The following PTPRN2 variants were observed in gnomAD, a reference collection of about 807,000 sequenced individuals.
The protein encoded by PTPRN2 is receptor-type tyrosine-protein phosphatase N2.
In PTPRN2, 74 loss-of-function variants were observed where a neutral mutation model predicts 118.8. The ratio of observed to expected loss-of-function variants is 0.62; its 90% CI spans 0.52 to 0.76. PTPRN2 has a LOEUF of 0.76. PTPRN2 is among the 30% of genes least tolerant of loss of function. PTPRN2 has a pLI of 0.00. For synonymous variants in PTPRN2, 641 were observed against 608.0 expected, an observed-to-expected ratio of 1.05 and a Z score of -0.80; for missense variants, 1,481 against 1,394.4, an observed-to-expected ratio of 1.06 and a Z score of -0.99.
At chr7:158,462,764 A>C (rs541573103) in intron 2 of PTPRN2, among the ~76,000 whole-genome samples, 1 of 152,326 alleles carries the variant, frequency 6.6e-6, no homozygotes, top group East Asian at 1.9e-4. Context: ...ACAGTCCGCA[A>C]AACTACAAGC....
chr7:157,699,106 G>A (rs1486250516), intron 12 of PTPRN2, among the ~76,000 whole-genome samples: 3 of 152,124 alleles, frequency 2.0e-5, no homozygotes, highest in African/African-American at 4.8e-5. Flanking sequence ...ACTTTTCCTC[G>A]GGTTGCTTTG....
intron 10 of PTPRN2, among the ~76,000 whole-genome samples, chr7:158,084,131 G>A (rs1305510004): frequency 6.6e-6 from 1 of 152,082 alleles, no homozygotes; most frequent in Non-Finnish European, 1.5e-5. Flanking sequence ...AAACTCTGGT[G>A]GCCAGGCCCA....
chr7:157,801,014 TAC>T lies in PTPRN2; in HGVS notation c.1788+97657_1788+97658del, dbSNP rs1381349888. ...ACATATATATACACACATATACATATACACACACATATATATACACATATATA... is the reference window on the plus strand; with the variant it reads ...ACATATATATACACACATATACATATACACACATATATATACACATATATA... On this transcript the variant is annotated intron_variant, in intron 12 of 22. Coordinates refer to ENST00000389418, the MANE Select transcript of PTPRN2 (RefSeq NM_002847.5). The surrounding 1 kb of genome is among the most constrained non-coding windows in gnomAD (Gnocchi z 4.2). Among the ~76,000 whole-genome samples the T allele has an allele frequency of 2.9e-4, 43 of 150,442 alleles. No individual in the cohort carries two copies. Among genetic ancestry groups the T allele is most frequent in the Non-Finnish European group, 4.3e-4 (29 of 67,650 alleles).
rs1801374301 is a variant in PTPRN2, at chr7:157,596,907, C to T, written c.2419-1592G>A. 6.6e-6 allele frequency among the ~76,000 whole-genome samples: 1 copy of T among 152,260 alleles called. No homozygotes were observed. Among genetic ancestry groups the T allele is most frequent in the Non-Finnish European group, 1.5e-5 (1 of 68,018 alleles). The stretch of plus-strand genomic sequence containing the variant: ...AGTGAAAAATGAGCAAATTTTAACC[C>T]TATGCAATTTTAAGCCAACGCACGA... On this transcript the variant is annotated intron_variant, in intron 16 of 22. Transcript: ENST00000389418. This position sits in a 1 kb window ranked among gnomAD's most constrained non-coding sequence, Gnocchi z 4.2.
chr7:157,849,055 C>T (rs1316307161), intron 12 of PTPRN2, among the ~76,000 whole-genome samples: 6 of 152,220 alleles, frequency 3.9e-5, no homozygotes, highest in Admixed American at 6.5e-5. Context: ...CGGAGCCCCT[C>T]GGTCCCAGCG....
At chr7:158,472,952 C>T (rs1010595602) in intron 2 of PTPRN2, among the ~76,000 whole-genome samples, 2 of 151,606 alleles carry the variant, frequency 1.3e-5, no homozygotes, top group African/African-American at 2.4e-5. Flanking sequence ...AAGCATTTGC[C>T]CACACTGCAC....
chr7:157,637,010 CT>C (rs1804361211), intron 14 of PTPRN2, among the ~76,000 whole-genome samples: 1 of 152,144 alleles, frequency 6.6e-6, no homozygotes, highest in African/African-American at 2.4e-5. Context: ...TTTCTGTTTA[CT>C]TTTTATAACT....
chr7:157,566,278 TG>T (rs1474332787), intron 21 of PTPRN2, among the ~76,000 whole-genome samples: 1 of 152,108 alleles, frequency 6.6e-6, no homozygotes, highest in Non-Finnish European at 1.5e-5. Context: ...GAAAGGGAAA[TG>T]GGAAGAAAGG....
chr7:158,272,531 A>T (rs1337763130), intron 3 of PTPRN2, among the ~76,000 whole-genome samples: 1 of 152,150 alleles, frequency 6.6e-6, no homozygotes, highest in Non-Finnish European at 1.5e-5. Context: ...GAACTTCCAC[A>T]TCCCCTCACT....
At chr7:157,571,894 A>C (rs1799777003) in intron 19 of PTPRN2, among the ~76,000 whole-genome samples, 1 of 13,342 alleles carries the variant, frequency 7.5e-5, no homozygotes, top group African/African-American at 1.4e-3. Flanking sequence ...ATTTATGCTC[A>C]AAATTTCTTA....
rs548676466 is a variant in PTPRN2 at position 158,502,566 on chromosome 7, G to A, written c.113-12781C>T. On this transcript the variant is annotated intron_variant, in intron 1 of 22. Transcript: ENST00000389418. ...GGACGCCTTCCTCCCGGCTGCACTT[G>A]CCGAGTCCCCTGGAGCACGGAAAAG... is the stretch of plus-strand genomic sequence containing the variant. 4.6e-5 allele frequency among the ~76,000 whole-genome samples: 7 copies of A among 152,326 alleles called. No individual in the cohort carries two copies. The South Asian group carries it at 1.5e-3, about 32-fold the overall frequency.
intron 2 of PTPRN2, among the ~76,000 whole-genome samples, chr7:158,433,776 C>T (rs1816388980): frequency 6.6e-6 from 1 of 152,062 alleles, no homozygotes; most frequent in Admixed American, 6.6e-5. Flanking sequence ...AGACATATGT[C>T]ATTTTCACCT....
At position 157,576,714 on chromosome 7, in the gene PTPRN2, G is replaced by T. The variant is rs1800068624; in HGVS notation, c.2682C>A (p.Asn894Lys). ...CGGTGCGCGTCTCGTTGGTCTGCAGGTTCTTCAGATAGAAGCTCCTCACCA... is the reference window on the plus strand; with the variant it reads ...CGGTGCGCGTCTCGTTGGTCTGCAGTTTCTTCAGATAGAAGCTCCTCACCA... The part of the protein sequence containing the change: ...DFLVRSFYLK[N>K]LQTNETRTVT... The change falls in exon 19 of 23, where the codon AAC (asparagine) becomes AAA (lysine). Residue 894 changes from asparagine to lysine, a missense_variant. This residue lies in a region of PTPRN2 where 362 missense variants were observed against 384.1 expected (regional missense o/e 0.94). Coordinates refer to ENST00000389418, the MANE Select transcript of PTPRN2 (RefSeq NM_002847.5). 6.2e-7 allele frequency: 1 copy of T among 1,610,214 alleles called. No individual in the cohort carries two copies. The highest frequency in any genetic ancestry group is 8.5e-7 in the Non-Finnish European group (1 of 1,177,884).
At chr7:158,135,126 TTC>T (rs1180306706) in intron 8 of PTPRN2, among the ~76,000 whole-genome samples, 1 of 152,200 alleles carries the variant, frequency 6.6e-6, no homozygotes, top group Non-Finnish European at 1.5e-5. Context: ...CAGGGTTTTT[TTC>T]CAACCATGAA....
intron 11 of PTPRN2, among the ~76,000 whole-genome samples, chr7:157,952,410 T>A (rs919510970): frequency 7.4e-5 from 1 of 13,568 alleles, no homozygotes; most frequent in African/African-American, 3.0e-4. Context: ...TGAGACGGGG[T>A]GGGGGACACG....
intron 22 of PTPRN2, among the ~76,000 whole-genome samples, chr7:157,544,567 C>A (rs1798185263): frequency 6.6e-6 from 1 of 152,214 alleles, no homozygotes; most frequent in Non-Finnish European, 1.5e-5. Context: ...GCCTCCCGTC[C>A]AGTGAGGAGG....
intron 1 of PTPRN2, among the ~76,000 whole-genome samples, chr7:158,578,198 TA>T (rs1055212469): frequency 2.0e-5 from 3 of 151,884 alleles, no homozygotes; most frequent in South Asian, 2.1e-4. Flanking sequence ...TTAGCATATC[TA>T]AAAAAAGTGT....
chr7:157,848,005 C>T (rs1260915905), intron 12 of PTPRN2, among the ~76,000 whole-genome samples: 6 of 151,130 alleles, frequency 4.0e-5, no homozygotes, highest in Admixed American at 6.6e-5. Flanking sequence ...ATCATGTGTG[C>T]CTGATGTTTA....
At chr7:158,352,884 ACT>A (rs1808110939) in intron 2 of PTPRN2, among the ~76,000 whole-genome samples, 2 of 152,216 alleles carry the variant, frequency 1.3e-5, no homozygotes, top group South Asian at 2.1e-4. Context: ...TCTGCCTGTT[ACT>A]CTGTTTCTGG....
Sources: allele counts gnomAD v4.1 joint callset (sites outside exome capture counted in the v4.1 genomes callset), GRCh38; gene constraint gnomAD v4.1.1; regional missense constraint gnomAD v4.1.1; non-coding constraint Gnocchi (gnomAD v3.1); transcripts MANE v1.5; gene names NCBI Gene and HGNC (gene_info 2026-07-23, HGNC 2026-07-21).